Variants in IDO2 observed in about 807,000 individuals in gnomAD.
IDO2 encodes indoleamine 2,3-dioxygenase 2.
Under a neutral mutation model 45.1 loss-of-function variants are expected in IDO2, and 46 were observed. That is an observed-to-expected ratio of 1.02 (90% CI 0.80 to 1.30). IDO2 has a LOEUF of 1.30. Ranked by LOEUF, IDO2 falls within the 50% of genes most tolerant of loss-of-function variation. The pLI, the probability that IDO2 is intolerant of heterozygous loss-of-function variation, is 0.00. For synonymous variants in IDO2, 218 were observed against 184.9 expected (o/e 1.18, Z -1.45); for missense variants, 544 against 491.8 (o/e 1.11, Z -1.00).
At chr8:39,987,951 A>T in exon 7 of IDO2, 2 of 1,606,886 alleles carry the variant, frequency 1.2e-6, no homozygotes, top group Non-Finnish European at 1.7e-6. Context: ...GTAGAGAAAG[A>T]AGCAGTGCCT....
At chr8:39,994,930 C>T (rs1280408001) in intron 8 of IDO2, among the ~76,000 whole-genome samples, 1 of 152,044 alleles carries the variant, frequency 6.6e-6, no homozygotes, top group Non-Finnish European at 1.5e-5. Flanking sequence ...ATTATCTAAG[C>T]TTAGTTTACT....
At chr8:39,951,607 T>C (rs1807815499) in intron 2 of IDO2, among the ~76,000 whole-genome samples, 1 of 152,196 alleles carries the variant, frequency 6.6e-6, no homozygotes, top group Non-Finnish European at 1.5e-5. Context: ...TAGATTGCTA[T>C]GGAGAATGAA....
intron 8 of IDO2, among the ~76,000 whole-genome samples, chr8:40,002,367 C>T: frequency 6.6e-6 from 1 of 152,142 alleles, no homozygotes; most frequent in East Asian, 1.9e-4. Context: ...AAAACTCTAG[C>T]CTTGTGGTAT....
chr8:39,977,361 G>A (rs567144310), intron 3 of IDO2, among the ~76,000 whole-genome samples: 1 of 152,332 alleles, frequency 6.6e-6, no homozygotes, highest in South Asian at 2.1e-4. Context: ...AATAACTGCT[G>A]TTATAATGCT....
At chr8:39,986,907 C>G (rs1808434877) in intron 6 of IDO2, 2 of 111,728 alleles carry the variant, frequency 1.8e-5, no homozygotes, top group Admixed American at 1.0e-4. Context: ...CAGAGTCTCA[C>G]TCTATCTCCC....
chr8:39,957,042 C>CAAAA (rs56064306), intron 2 of IDO2, among the ~76,000 whole-genome samples: 433 of 31,288 alleles, frequency 0.014, 22 homozygotes, highest in African/African-American at 0.042. Context: ...GACTCCATCT[C>CAAAA]AAAAAAAAAA....
At chr8:39,952,445 C>T (rs190931051) in intron 2 of IDO2, among the ~76,000 whole-genome samples, 50 of 152,228 alleles carry the variant, frequency 3.3e-4, no homozygotes, top group Admixed American at 2.5e-3. Flanking sequence ...CTGAAGAAAA[C>T]GTGGTCAAGA....
exon 1 of IDO2, chr8:39,934,870 A>G: frequency 2.2e-6 from 1 of 456,300 alleles, no homozygotes; most frequent in Admixed American, 3.9e-5. Context: ...AAGATGGAGA[A>G]TTTTAAAGTT....
At chr8:39,999,276 CTTTT>C (rs35720120) in intron 8 of IDO2, among the ~76,000 whole-genome samples, 3 of 78,408 alleles carry the variant, frequency 3.8e-5, no homozygotes, top group East Asian at 4.2e-4. Context: ...TCTGCTGCTG[CTTTT>C]TTTTTTTTTT....
rs182079899 is a variant in IDO2, at chr8:39,965,260, C to A, written c.195+1557C>A. Among the ~76,000 whole-genome samples the A allele has an allele frequency of 8.5e-3, 1,297 of 152,148 alleles. 8 individuals are homozygous for A. Among genetic ancestry groups the A allele is most frequent in the Non-Finnish European group, 0.013 (896 of 67,992 alleles). On this transcript the variant is annotated intron_variant, in intron 3 of 10. Transcript: ENST00000502986. ...TAGCACTTTGGGAGGCCAAGGCTGG[C>A]GGATTGCCTGAGCTCAGGAGTTCGA... is the stretch of plus-strand genomic sequence containing the variant.
chr8:39,979,506 A>G (rs957705785), intron 4 of IDO2, among the ~76,000 whole-genome samples: 1 of 151,750 alleles, frequency 6.6e-6, no homozygotes, highest in Admixed American at 6.6e-5. Context: ...GGCACCCACC[A>G]CCACACCTGG....
intron 3 of IDO2, among the ~76,000 whole-genome samples, chr8:39,966,492 A>G (rs1672615308): frequency 6.6e-6 from 1 of 152,216 alleles, no homozygotes; most frequent in African/African-American, 2.4e-5. Flanking sequence ...GGCAAATGTA[A>G]TAGTTTCTAG....
intron 1 of IDO2, among the ~76,000 whole-genome samples, chr8:39,944,279 G>A (rs1400326677): frequency 5.5e-4 from 25 of 45,410 alleles, no homozygotes; most frequent in Non-Finnish European, 1.3e-3. Context: ...GATCCACTTT[G>A]GGATTACAGG....
At chr8:39,980,689 G>A (rs1808329274) in intron 4 of IDO2, among the ~76,000 whole-genome samples, 1 of 152,150 alleles carries the variant, frequency 6.6e-6, no homozygotes, top group Admixed American at 6.5e-5. Context: ...AGGAGACTCA[G>A]GGAAGAGGAA....
chr8:39,936,338 T>C (rs1807549999), intron 1 of IDO2, among the ~76,000 whole-genome samples: 1 of 152,166 alleles, frequency 6.6e-6, no homozygotes, highest in South Asian at 2.1e-4. Context: ...TCTTGGAAAA[T>C]GTGTGAGAAA....
chr8:39,985,233 A>G, intron 5 of IDO2: 1 of 487,208 alleles, frequency 2.1e-6, no homozygotes, highest in Non-Finnish European at 3.6e-6. Context: ...CCAGCCTAAT[A>G]ATATATTAAG....
chr8:40,015,734 A>G (rs1307055714), exon 11 of IDO2: 2 of 677,844 alleles, frequency 3.0e-6, no homozygotes, highest in East Asian at 5.3e-5. Context: ...TCTACAGAGC[A>G]CTATATTCTC....
chr8:39,988,034 T>G (rs1808450404), intron 7 of IDO2, 64 bp downstream of exon 7: 1 of 885,834 alleles, frequency 1.1e-6, no homozygotes, highest in South Asian at 1.5e-5. Flanking sequence ...TCCCACTCAG[T>G]GCCTTTCCTG....
intron 8 of IDO2, among the ~76,000 whole-genome samples, chr8:40,002,277 T>A (rs997967061): frequency 6.6e-6 from 1 of 152,178 alleles, no homozygotes; most frequent in African/African-American, 2.4e-5. Context: ...TCAGATTTTC[T>A]AAAATGAATG....
Sources: allele counts gnomAD v4.1 joint callset (sites outside exome capture counted in the v4.1 genomes callset), GRCh38; gene constraint gnomAD v4.1.1; transcripts MANE v1.5; gene names NCBI Gene and HGNC (gene_info 2026-07-23, HGNC 2026-07-21).